SPHK2: variants seen among roughly 807,000 people sequenced by gnomAD.
The protein encoded by SPHK2 is sphingosine kinase 2.
In SPHK2, 18 loss-of-function variants were observed where a neutral mutation model predicts 32.3. The ratio of observed to expected loss-of-function variants is 0.56; its 90% CI spans 0.39 to 0.83. SPHK2 has a LOEUF of 0.83. Among genes scored for constraint, SPHK2 ranks in the 40% least tolerant of loss-of-function variants. The pLI, the probability that SPHK2 is intolerant of heterozygous loss-of-function variation, is 0.00. For missense variants in SPHK2, 850 were observed against 908.7 expected (o/e 0.94, Z 0.83); for synonymous variants, 462 against 417.6 (o/e 1.11, Z -1.30).
Position 48,626,161 on chromosome 19 carries a change from C to G in SPHK2, c.310C>G (p.Arg104Gly), listed in dbSNP as rs1452074204. The G allele has an allele frequency of 6.3e-7, 1 of 1,596,382 alleles. No homozygotes were observed. The highest frequency in any genetic ancestry group is 1.7e-5 in the Admixed American group (1 of 58,318). Residue 104 changes from arginine (R) to glycine (G), a missense_variant, in exon 3 of 7, where the codon CGA becomes GGA. Arg to Gly is a moderately radical substitution (Grantham distance 125). Coordinates refer to ENST00000245222, the MANE Select transcript of SPHK2 (RefSeq NM_020126.5). ...CGAGGTCTCAGGCTGCTGCACCCTG[C>G]GAAGCCGCAGCCCCTCAGACTCAGC... ...LAEVSGCCTL[R>G]SRSPSDSAAY...
At position 48,626,129 on chromosome 19, in the gene SPHK2, C is replaced by T. The variant is rs1218847539; in HGVS notation, c.278C>T (p.Pro93Leu). The change falls in exon 3 of 7, where the codon CCG becomes CTG. Residue 93 changes from proline to leucine, a missense_variant. Physicochemically the swap from Pro to Leu is moderately conservative, Grantham distance 98. Around this residue, in one of 2 missense-constraint regions of SPHK2, gnomAD observed 544 missense variants for 640.0 expected, o/e 0.85. Transcript: ENST00000245222. ...GCCAGGCCCCGGGGTGGCCTGGTCC[C>T]GTTGGCCGAGGTCTCAGGCTGCTGC... is the stretch of plus-strand genomic sequence containing the variant. ...PEARPRGGLVPLAEVSGCCTL... is the reference protein window; with the variant it reads ...PEARPRGGLVLLAEVSGCCTL... 5.0e-6 allele frequency: 8 copies of T among 1,606,818 alleles called. No homozygotes were observed. Among genetic ancestry groups the T allele is most frequent in the East Asian group, 4.5e-5 (2 of 44,754 alleles).
chr19:48,625,771 G>T (rs1186564344), intron 2 of SPHK2, 120 bp from the exon 3 acceptor site: 15 of 1,535,894 alleles, frequency 9.8e-6, no homozygotes, highest in South Asian at 2.4e-5. Flanking sequence ...GTCTGTCTCT[G>T]ATGCTCCTGT....
At chr19:48,625,407 G>C in intron 2 of SPHK2, 1 of 1,179,570 alleles carries the variant, frequency 8.5e-7, no homozygotes, top group Non-Finnish European at 1.1e-6. Context: ...GGGGGGTGGG[G>C]GTGTCGGGGA....
Position 48,630,085 on chromosome 19 carries a change from G to A in SPHK2, c.*312G>A. The A allele has an allele frequency of 2.4e-6, 3 of 1,276,578 alleles. No individual in the cohort carries two copies. Among genetic ancestry groups the A allele is most frequent in the Non-Finnish European group, 2.0e-6 (2 of 1,011,234 alleles). 79.1% of individuals were successfully genotyped at this position (1,276,578 alleles called of 1,614,324 possible). On this transcript the variant is annotated 3_prime_UTR_variant, in exon 7 of 7. Coordinates refer to ENST00000245222, the MANE Select transcript of SPHK2 (RefSeq NM_020126.5). This position sits in a 1 kb window ranked among gnomAD's most constrained non-coding sequence, Gnocchi z 4.9. Reference sequence around the variant, plus strand: ...CCACCTGCTCCTACCCGGCCAGGATGGCTGAGGGCGGAGTCTATTTTACGC... The same window carrying A: ...CCACCTGCTCCTACCCGGCCAGGATAGCTGAGGGCGGAGTCTATTTTACGC...
chr19:48,622,757 C>CTTTTTTT lies in SPHK2; in HGVS notation c.39+2224_39+2230dup. ...CAAACTTCTTCCTACATTTGTCTCTCTTTTTTTTTTTTTTTTTTTTTTTTT... is the reference window on the plus strand; with the variant it reads ...CAAACTTCTTCCTACATTTGTCTCTCTTTTTTTTTTTTTTTTTTTTTTTTTTTTTTTT... On this transcript the variant is annotated intron_variant, in intron 2 of 6. Coordinates refer to ENST00000245222, the MANE Select transcript of SPHK2 (RefSeq NM_020126.5). Among the ~76,000 whole-genome samples the CTTTTTTT allele has an allele frequency of 1.8e-5, 2 of 108,546 alleles. 1 individual carries two copies. Among genetic ancestry groups the CTTTTTTT allele is most frequent in the South Asian group, 6.2e-4 (2 of 3,226 alleles). The allele number at this position is 108,546 out of a possible 152,430, so 71.2% of individuals were successfully genotyped here.
At chr19:48,622,827 A>C (rs1302323199) in intron 2 of SPHK2, among the ~76,000 whole-genome samples, 1 of 132,748 alleles carries the variant, frequency 7.5e-6, no homozygotes, top group East Asian at 2.2e-4. Context: ...GTGCAGTGGC[A>C]TCATCTCGGC....
chr19:48,628,088 G>C lies in SPHK2; in HGVS notation c.756+19G>C. 3.2e-6 allele frequency: 5 copies of C among 1,577,964 alleles called. No individual in the cohort carries two copies. The highest frequency in any genetic ancestry group is 4.3e-6 in the Non-Finnish European group (5 of 1,158,976). ...CCATGAGGTAGAGCAGGAGCACCCTGCCCCTAGCCCTGGGCCCTGGGGGAC... is the reference window on the plus strand; with the variant it reads ...CCATGAGGTAGAGCAGGAGCACCCTCCCCCTAGCCCTGGGCCCTGGGGGAC... On this transcript the variant is annotated intron_variant, in intron 5 of 6. Coordinates refer to ENST00000245222, the MANE Select transcript of SPHK2 (RefSeq NM_020126.5). This position sits in a 1 kb window ranked among gnomAD's most constrained non-coding sequence, Gnocchi z 5.2.
At chr19:48,625,181 C>T in intron 2 of SPHK2, 1 of 1,025,386 alleles carries the variant, frequency 9.8e-7, no homozygotes, top group Middle Eastern at 4.9e-4. Context: ...CTCCAGCTGT[C>T]TCCATGCCTG....
Position 48,629,128 on chromosome 19 carries a change from C to T in SPHK2, c.1320C>T (p.Pro440=), listed in dbSNP as rs967103230. The T allele has an allele frequency of 1.2e-6, 2 of 1,613,330 alleles. No individual in the cohort carries two copies. Among genetic ancestry groups the T allele is most frequent in the East Asian group, 4.5e-5 (2 of 44,890 alleles). The change falls in exon 7 of 7, where the codon CCC becomes CCT. Residue 440 remains proline, a synonymous_variant. Transcript: ENST00000245222. ...PALASPGSPE[P]LPILSLNGGG... is the part of the protein sequence containing the mutation. ...TGGCCTCTCCTGGCTCGCCAGAACCCCTGCCCATCCTGTCCCTCAACGGTG... is the reference window on the plus strand; with the variant it reads ...TGGCCTCTCCTGGCTCGCCAGAACCTCTGCCCATCCTGTCCCTCAACGGTG...
In SPHK2 at chr19:48,628,442, T is replaced by A. The variant is rs758390645; in HGVS notation, c.872+165T>A. The A allele has an allele frequency of 1.1e-6, 1 of 905,900 alleles. No individual in the cohort carries two copies. The highest frequency in any genetic ancestry group is 2.1e-4 in the Middle Eastern group (1 of 4,722). 56.1% of individuals were successfully genotyped at this position (905,900 alleles called of 1,614,324 possible). ...TTTTTGCCTGCCTGCTTCCCAGCTG[T>A]ATCCCGAGCGCCCAGAACTCTGCCT... is the stretch of plus-strand genomic sequence containing the variant. On this transcript the variant is annotated intron_variant, in intron 6 of 6. Transcript: ENST00000245222. The surrounding 1 kb of genome is among the most constrained non-coding windows in gnomAD (Gnocchi z 5.2).
chr19:48,622,176 G>A (rs542145990), intron 2 of SPHK2, among the ~76,000 whole-genome samples: 2 of 151,494 alleles, frequency 1.3e-5, no homozygotes, highest in South Asian at 2.1e-4. Context: ...GGAGAATGGC[G>A]TGAACCCGGG....
At chr19:48,624,368 C>G (rs935901201) in intron 2 of SPHK2, 1 of 152,554 alleles carries the variant, frequency 6.6e-6, no homozygotes, top group African/African-American at 2.4e-5. Flanking sequence ...CTCCCCCCAC[C>G]CCTAGGTCTG....
intron 2 of SPHK2, chr19:48,624,740 T>C (rs1201916317): frequency 4.9e-6 from 1 of 205,174 alleles, no homozygotes; most frequent in East Asian, 1.9e-4. Context: ...TAGGGCTCTG[T>C]GCTTGAACCT....
At chr19:48,619,864 G>A (rs762453935) in intron 1 of SPHK2, 1 of 153,546 alleles carries the variant, frequency 6.5e-6, no homozygotes, top group African/African-American at 2.4e-5. Flanking sequence ...TGGGGGTGGG[G>A]GGAATGGAGG....
In SPHK2 at chr19:48,630,343, T is replaced by A; in HGVS notation, c.*570T>A. 7.6e-7 allele frequency: 1 copy of A among 1,310,828 alleles called. No homozygotes were observed. 81.2% of individuals were successfully genotyped at this position (1,310,828 alleles called of 1,614,324 possible). ...CTGTTCGTCTCATGCGCGTCCTCCG[T>A]CCCCAATCTAAAAAGCAATTGAAAA... On this transcript the variant is annotated 3_prime_UTR_variant, in exon 7 of 7. Transcript: ENST00000245222. The surrounding 1 kb of genome is among the most constrained non-coding windows in gnomAD (Gnocchi z 4.9).
chr19:48,627,799 A>G lies in SPHK2; in HGVS notation c.619A>G (p.Met207Val), dbSNP rs770398048. Reference protein sequence around the residue: ...WQWCKNHVLPMISEAGLSFNL... With the variant: ...WQWCKNHVLPVISEAGLSFNL... ...GTGGTGTAAGAACCACGTGCTTCCC[A>G]TGATCTCTGAAGCTGGGCTGTCCTT... The change falls in exon 4 of 7, where the codon ATG becomes GTG. Residue 207 changes from methionine (M) to valine (V), a missense_variant. Transcript: ENST00000245222. 3.7e-6 allele frequency: 6 copies of G among 1,613,782 alleles called. No individual in the cohort carries two copies. The highest frequency in any genetic ancestry group is 3.3e-5 in the Admixed American group (2 of 59,956).
chr19:48,630,108 C>T lies in SPHK2; in HGVS notation c.*335C>T. Reference sequence around the variant, plus strand: ...ATGGCTGAGGGCGGAGTCTATTTTACGCGTCGCCCAATGACAGGACCTGGA... The same window carrying T: ...ATGGCTGAGGGCGGAGTCTATTTTATGCGTCGCCCAATGACAGGACCTGGA... On this transcript the variant is annotated 3_prime_UTR_variant, in exon 7 of 7. Transcript: ENST00000245222. The surrounding 1 kb of genome is among the most constrained non-coding windows in gnomAD (Gnocchi z 4.9). The T allele has an allele frequency of 3.2e-6, 4 of 1,258,916 alleles. No individual in the cohort carries two copies. Among genetic ancestry groups the T allele is most frequent in the Non-Finnish European group, 4.0e-6 (4 of 1,000,396 alleles). 78.0% of individuals were successfully genotyped at this position (1,258,916 alleles called of 1,614,324 possible). A position where few individuals can be genotyped will look rare whatever the true frequency, so the allele number is the denominator to read the frequency against.
rs769375492 is a variant in SPHK2 at position 48,628,805 on chromosome 19, C to T, written c.997C>T (p.Leu333=). 3.1e-6 allele frequency: 5 copies of T among 1,613,766 alleles called. 1 individual carries two copies. In the South Asian group the frequency reaches 5.5e-5, roughly 18 times the overall value. ...CTCGGGCTCCCGCTGTTTCTCCTTC[C>T]TGTCTGTGGCCTGGGGCTTCGTGTC... ...LASGSRCFSF[L]SVAWGFVSDV... Residue 333 remains leucine, a synonymous_variant, in exon 7 of 7, where the codon CTG becomes TTG. Coordinates refer to ENST00000245222, the MANE Select transcript of SPHK2 (RefSeq NM_020126.5). The surrounding 1 kb of genome is among the most constrained non-coding windows in gnomAD (Gnocchi z 5.2).
chr19:48,629,469 T>C lies in SPHK2; in HGVS notation c.1661T>C (p.Val554Ala), dbSNP rs150376526. 6.8e-6 allele frequency: 11 copies of C among 1,608,332 alleles called. No individual in the cohort carries two copies. The highest frequency in any genetic ancestry group is 1.3e-5 in the African/African-American group (1 of 74,856). The change falls in exon 7 of 7, where the codon GTG becomes GCG. Residue 554 changes from valine (V) to alanine (A), a missense_variant. Val to Ala is a moderately conservative substitution (Grantham distance 64). Around this residue, in one of 2 missense-constraint regions of SPHK2, gnomAD observed 306 missense variants for 268.6 expected, o/e 1.14. Transcript: ENST00000245222. ...ISPSHLGADLVAAPHARFDDG... is the reference protein window; with the variant it reads ...ISPSHLGADLAAAPHARFDDG... The stretch of plus-strand genomic sequence containing the variant: ...CCCAGCCACCTAGGCGCTGACCTGG[T>C]GGCAGCTCCGCATGCGCGCTTCGAC...
Sources: gnomAD v4.1 joint callset for allele counts (sites outside exome capture counted in the v4.1 genomes callset) on GRCh38, gnomAD v4.1.1 for gene constraint, gnomAD v4.1.1 regional missense constraint, Gnocchi (gnomAD v3.1) non-coding constraint, MANE v1.5 for transcripts, NCBI Gene and HGNC (gene_info 2026-07-23, HGNC 2026-07-21) for gene names.